LTBP1: variants seen among roughly 807,000 people sequenced by gnomAD.
The protein encoded by LTBP1 is latent-transforming growth factor beta-binding protein 1.
LTBP1 carries 129 observed loss-of-function variants against 207.6 expected under a neutral mutation model. The observed-to-expected ratio is 0.62, with a 90% confidence interval of 0.54 to 0.72. The LOEUF is 0.72. LTBP1 is among the 30% of genes least tolerant of loss of function. LTBP1 has a pLI of 0.00. For synonymous variants in LTBP1, 963 were observed against 833.7 expected (o/e 1.16, Z -2.67); for missense variants, 2,281 against 2,217.2 (o/e 1.03, Z -0.58).
chr2:33,267,759 G>T (rs1447413773), intron 15 of LTBP1, among the ~76,000 whole-genome samples: 1 of 152,198 alleles, frequency 6.6e-6, no homozygotes, highest in Admixed American at 6.5e-5. Context: ...CTTTGTAGAG[G>T]TTAAGTTCAG....
rs889611275 is a variant in LTBP1, at chr2:33,109,689, C to A, written c.864-893C>A. Reference sequence around the variant, plus strand: ...TATAAAACATTTAACTCAAATAGTACAATTTATATTATTATGAGACACAGC... The same window carrying A: ...TATAAAACATTTAACTCAAATAGTAAAATTTATATTATTATGAGACACAGC... On this transcript the variant is annotated intron_variant, in intron 3 of 33. Coordinates refer to ENST00000404816, the MANE Select transcript of LTBP1 (RefSeq NM_206943.4). Among the ~76,000 whole-genome samples, 6 of 152,290 alleles carry A rather than the reference C, an allele frequency of 3.9e-5. No homozygotes were observed. The East Asian group carries it at 1.2e-3, about 29-fold the overall frequency.
chr2:33,200,270 A>C (rs918159297), intron 7 of LTBP1, among the ~76,000 whole-genome samples: 2 of 152,234 alleles, frequency 1.3e-5, no homozygotes, highest in African/African-American at 4.8e-5. Context: ...ACTGGTACCA[A>C]AACAGAGATA....
At chr2:32,971,937 T>G (rs771881940) in intron 2 of LTBP1, among the ~76,000 whole-genome samples, 23 of 152,152 alleles carry the variant, frequency 1.5e-4, no homozygotes, top group Non-Finnish European at 3.4e-4. Context: ...GTTGGACTTT[T>G]TCTGGTTGCT....
At chr2:33,148,573 C>T (rs1036402980) in intron 5 of LTBP1, among the ~76,000 whole-genome samples, 1 of 152,204 alleles carries the variant, frequency 6.6e-6, no homozygotes, top group South Asian at 2.1e-4. Context: ...TCACCTCACT[C>T]TGGCCTCTCC....
At chr2:33,067,158 C>T (rs141503410) in intron 3 of LTBP1, among the ~76,000 whole-genome samples, 50 of 152,268 alleles carry the variant, frequency 3.3e-4, no homozygotes, top group African/African-American at 1.1e-3. Flanking sequence ...GGCTACAGAA[C>T]GAGACCCTGT....
chr2:33,314,133 C>T (rs549558987), intron 23 of LTBP1, among the ~76,000 whole-genome samples: 1 of 152,274 alleles, frequency 6.6e-6, no homozygotes, highest in South Asian at 2.1e-4. Flanking sequence ...ATGATCTGTT[C>T]ATGAGTCTTC....
At chr2:33,258,843 A>G (rs2092932571) in intron 12 of LTBP1, among the ~76,000 whole-genome samples, 1 of 152,192 alleles carries the variant, frequency 6.6e-6, no homozygotes, top group Admixed American at 6.5e-5. Context: ...ACATTGATTG[A>G]CTTATGAGAA....
chr2:33,282,781 T>C (rs2093585278), intron 19 of LTBP1, among the ~76,000 whole-genome samples: 1 of 152,066 alleles, frequency 6.6e-6, no homozygotes, highest in African/African-American at 2.4e-5. Flanking sequence ...GTGACTAAAA[T>C]AGGCCAGGCA....
At chr2:33,279,512 T>C (rs779573575) in intron 18 of LTBP1, among the ~76,000 whole-genome samples, 1 of 35,336 alleles carries the variant, frequency 2.8e-5, no homozygotes, top group African/African-American at 1.3e-4. Context: ...TCTCCTCATG[T>C]TTTTTTTTTT....
chr2:33,128,028 G>T (rs1464178874), intron 4 of LTBP1, among the ~76,000 whole-genome samples: 1 of 152,124 alleles, frequency 6.6e-6, no homozygotes, highest in Non-Finnish European at 1.5e-5. Flanking sequence ...CAATGATATA[G>T]GATCCTAATT....
At chr2:33,071,271 C>T (rs1039089694) in intron 3 of LTBP1, among the ~76,000 whole-genome samples, 23 of 152,330 alleles carry the variant, frequency 1.5e-4, no homozygotes, top group Non-Finnish European at 1.2e-4. Flanking sequence ...CTACCTGGGC[C>T]TCTCCATAGG....
chr2:33,244,341 A>C (rs1046634755), intron 10 of LTBP1, among the ~76,000 whole-genome samples: 1 of 152,274 alleles, frequency 6.6e-6, no homozygotes, highest in Non-Finnish European at 1.5e-5. Context: ...TGTTCTTTAA[A>C]CCCACCAAAA....
At chr2:33,254,858 T>TTTTTTG (rs2092797679) in intron 11 of LTBP1, among the ~76,000 whole-genome samples, 1 of 96,838 alleles carries the variant, frequency 1.0e-5, no homozygotes, top group African/African-American at 5.3e-5. Context: ...TTTGGTTTTT[T>TTTTTTG]TTTTTTTTTT....
At chr2:33,129,090 C>T (rs1243238515) in intron 4 of LTBP1, among the ~76,000 whole-genome samples, 2 of 152,210 alleles carry the variant, frequency 1.3e-5, no homozygotes, top group Non-Finnish European at 2.9e-5. Flanking sequence ...ACACCTGGAA[C>T]AGCCTGGTAT....
chr2:32,990,399 G>T (rs1405409260), intron 2 of LTBP1, among the ~76,000 whole-genome samples: 1 of 152,172 alleles, frequency 6.6e-6, no homozygotes, highest in Non-Finnish European at 1.5e-5. Context: ...TTTTTTTAAT[G>T]TAATGTTAGT....
intron 32 of LTBP1, among the ~76,000 whole-genome samples, chr2:33,396,030 G>C (rs1288068621): frequency 6.6e-6 from 1 of 151,842 alleles, no homozygotes; most frequent in Non-Finnish European, 1.5e-5. Flanking sequence ...CAAAATGAGA[G>C]CTAAACACTC....
rs1200041558 is a variant in LTBP1, at chr2:33,243,892, A to T, written c.1999+108A>T. The T allele has an allele frequency of 1.7e-5, 21 of 1,241,966 alleles. No homozygotes were observed. The Middle Eastern group carries it at 2.9e-3, about 173-fold the overall frequency. 76.9% of individuals were successfully genotyped at this position (1,241,966 alleles called of 1,614,324 possible). A position where few individuals can be genotyped will look rare whatever the true frequency, so the allele number is the denominator to read the frequency against. ...AACTGAATGCTTGTAAATATACAGG[A>T]AAACCTCATTAATTAAAATAACAAG... On this transcript the variant is annotated intron_variant, in intron 10 of 33. Transcript: ENST00000404816.
chr2:33,171,779 G>A (rs1212937162), intron 5 of LTBP1, among the ~76,000 whole-genome samples: 4 of 152,122 alleles, frequency 2.6e-5, no homozygotes, highest in Non-Finnish European at 5.9e-5. Flanking sequence ...TACCCACAAA[G>A]GGAAGCCCAT....
chr2:33,303,319 C>T (rs536496007), intron 22 of LTBP1, among the ~76,000 whole-genome samples: 1 of 151,638 alleles, frequency 6.6e-6, no homozygotes, highest in Non-Finnish European at 1.5e-5. Flanking sequence ...TGAAACTGTC[C>T]CACCTCAGAT....
Sources: allele counts gnomAD v4.1 joint callset (sites outside exome capture counted in the v4.1 genomes callset), GRCh38; gene constraint gnomAD v4.1.1; transcripts MANE v1.5; gene names NCBI Gene and HGNC (gene_info 2026-07-23, HGNC 2026-07-21).